GRIN2A: variants seen among roughly 807,000 people sequenced by gnomAD.
The protein encoded by GRIN2A is glutamate ionotropic receptor NMDA type subunit 2A, also known as glutamate receptor ionotropic, NMDA 2A.
GRIN2A carries 22 observed loss-of-function variants against 113.4 expected under a neutral mutation model. That is an observed-to-expected ratio of 0.19 (90% CI 0.14 to 0.28). The LOEUF is 0.28. GRIN2A is among the 10% of genes least tolerant of loss of function. GRIN2A has a pLI of 1.00. For synonymous variants in GRIN2A, 827 were observed against 738.4 expected (o/e 1.12, Z -1.94); for missense variants, 1,502 against 1,887.0 (o/e 0.80, Z 3.78).
chr16:9,901,381 T>A (rs574148068), intron 3 of GRIN2A, among the ~76,000 whole-genome samples: 3 of 152,202 alleles, frequency 2.0e-5, no homozygotes, highest in African/African-American at 7.2e-5. Flanking sequence ...GATATGCCAA[T>A]GGGACTCTAA....
Position 9,762,471 on chromosome 16 carries a change from C to T in GRIN2A, c.*678G>A, listed in dbSNP as rs886052548. The T allele has an allele frequency of 2.3e-5, 5 of 221,988 alleles. No individual in the cohort carries two copies. In the East Asian group the frequency reaches 3.3e-4, roughly 15 times the overall value. 13.8% of individuals were successfully genotyped at this position (221,988 alleles called of 1,614,324 possible). A position where few individuals can be genotyped will look rare whatever the true frequency, so the allele number is the denominator to read the frequency against. On this transcript the variant is annotated 3_prime_UTR_variant, in exon 13 of 13. Coordinates refer to ENST00000330684, the MANE Select transcript of GRIN2A (RefSeq NM_001134407.3). The stretch of plus-strand genomic sequence containing the variant: ...TCTCCCCACCTGAGGGTCCCTCGGG[C>T]CTTTGGCTCCAGATGTGTCTTGGAA...
chr16:10,039,808 G>GGGAGAGAGAGAGAGAGAGAGA lies in GRIN2A; in HGVS notation c.415-101258_415-101257insTCTCTCTCTCTCTCTCTCTCC, dbSNP rs1555469298. On this transcript the variant is annotated intron_variant, in intron 2 of 12. Coordinates refer to ENST00000330684, the MANE Select transcript of GRIN2A (RefSeq NM_001134407.3). The stretch of plus-strand genomic sequence containing the variant: ...AGGGGGAGGGGGAGGGGGAGGGGGG[G>GGGAGAGAGAGAGAGAGAGAGA]GAGAAAGAGAGAGAGAGAGAGAGAG... 6.0e-4 allele frequency among the ~76,000 whole-genome samples: 38 copies of GGGAGAGAGAGAGAGAGAGAGA among 63,818 alleles called. 1 individual carries two copies. The highest frequency in any genetic ancestry group is 2.6e-3 in the African/African-American group (33 of 12,794). The allele number at this position is 63,818 out of a possible 152,430, so 41.9% of individuals were successfully genotyped here. A position where few individuals can be genotyped will look rare whatever the true frequency, so the allele number is the denominator to read the frequency against.
intron 2 of GRIN2A, among the ~76,000 whole-genome samples, chr16:9,995,269 A>G (rs1208035185): frequency 6.6e-6 from 1 of 152,212 alleles, no homozygotes; most frequent in Non-Finnish European, 1.5e-5. Flanking sequence ...AAGCCCATCT[A>G]AGACACAAAG....
At chr16:10,021,508 C>G (rs2046721295) in intron 2 of GRIN2A, among the ~76,000 whole-genome samples, 2 of 152,116 alleles carry the variant, frequency 1.3e-5, no homozygotes, top group Non-Finnish European at 2.9e-5. Flanking sequence ...TACATTCCCC[C>G]AGTTACCAAT....
At chr16:9,854,250 G>T (rs376982689) in intron 4 of GRIN2A, among the ~76,000 whole-genome samples, 3 of 151,916 alleles carry the variant, frequency 2.0e-5, no homozygotes, top group African/African-American at 7.3e-5. Flanking sequence ...AAGTATCAAG[G>T]ACCTGTATTC....
intron 2 of GRIN2A, among the ~76,000 whole-genome samples, chr16:10,152,361 C>T (rs1322347208): frequency 6.6e-6 from 1 of 152,164 alleles, no homozygotes; most frequent in Non-Finnish European, 1.5e-5. Flanking sequence ...CTGTTTTCTC[C>T]GGCTGGAGAA....
At chr16:9,799,313 G>A (rs1172791456) in intron 10 of GRIN2A, among the ~76,000 whole-genome samples, 2 of 152,164 alleles carry the variant, frequency 1.3e-5, no homozygotes, top group African/African-American at 4.8e-5. Flanking sequence ...TGCACACAGG[G>A]AGAACGCCAT....
chr16:9,928,552 A>G (rs904328666), intron 3 of GRIN2A, among the ~76,000 whole-genome samples: 1 of 151,966 alleles, frequency 6.6e-6, no homozygotes, highest in African/African-American at 2.4e-5. Flanking sequence ...TCACTCCCTC[A>G]TCTCTCCAGA....
At chr16:10,148,319 A>T (rs2049488952) in intron 2 of GRIN2A, among the ~76,000 whole-genome samples, 1 of 152,194 alleles carries the variant, frequency 6.6e-6, no homozygotes, top group Non-Finnish European at 1.5e-5. Context: ...AACATTTTCT[A>T]CTGGCCATTT....
At chr16:9,869,132 T>C (rs759519290) in intron 4 of GRIN2A, among the ~76,000 whole-genome samples, 12 of 152,016 alleles carry the variant, frequency 7.9e-5, no homozygotes, top group Admixed American at 1.3e-4. Flanking sequence ...GATGCACAAA[T>C]ACCTATGAAA....
At chr16:10,142,398 G>A (rs2049345133) in intron 2 of GRIN2A, among the ~76,000 whole-genome samples, 1 of 152,178 alleles carries the variant, frequency 6.6e-6, no homozygotes. Flanking sequence ...CCAGGCTCAA[G>A]TTAAACCAAC....
Position 10,160,692 on chromosome 16 carries a change from G to A in GRIN2A, c.414+19306C>T, listed in dbSNP as rs551044766. Among the ~76,000 whole-genome samples the A allele has an allele frequency of 5.9e-5, 9 of 152,250 alleles. 1 individual carries two copies. In the South Asian group the frequency reaches 1.2e-3, roughly 21 times the overall value. ...CCGGTTGCACCGCCCCAAATTGACC[G>A]TAAAAGTTAACAGATTTGTTTAAGA... is the stretch of plus-strand genomic sequence containing the variant. On this transcript the variant is annotated intron_variant, in intron 2 of 12. Transcript: ENST00000330684.
chr16:9,916,065 A>T (rs1034326979), intron 3 of GRIN2A, among the ~76,000 whole-genome samples: 1 of 152,226 alleles, frequency 6.6e-6, no homozygotes, highest in South Asian at 2.1e-4. Context: ...AGTTGGAGGC[A>T]TAAGAGTTAG....
intron 2 of GRIN2A, among the ~76,000 whole-genome samples, chr16:9,989,852 C>T (rs1443720065): frequency 6.6e-6 from 1 of 152,042 alleles, no homozygotes; most frequent in Non-Finnish European, 1.5e-5. Context: ...TCACTCCAGT[C>T]AGAATGGCTA....
At chr16:10,132,128 T>G (rs1383658627) in intron 2 of GRIN2A, among the ~76,000 whole-genome samples, 3 of 151,950 alleles carry the variant, frequency 2.0e-5, no homozygotes, top group African/African-American at 7.3e-5. Context: ...AGTCAGGAAT[T>G]CAAGGCCAGC....
chr16:10,052,916 C>T (rs544665431), intron 2 of GRIN2A, among the ~76,000 whole-genome samples: 1 of 152,178 alleles, frequency 6.6e-6, no homozygotes, highest in African/African-American at 2.4e-5. Context: ...GGCACAGTGG[C>T]ACACTCCTGT....
intron 2 of GRIN2A, among the ~76,000 whole-genome samples, chr16:10,146,263 G>A (rs969595241): frequency 3.9e-5 from 6 of 152,112 alleles, no homozygotes; most frequent in East Asian, 3.9e-4. Context: ...GATTACAGGC[G>A]TGTGCTACCA....
At chr16:9,889,829 C>A (rs1031406949) in intron 4 of GRIN2A, among the ~76,000 whole-genome samples, 22 of 152,116 alleles carry the variant, frequency 1.4e-4, no homozygotes, top group African/African-American at 5.3e-4. Context: ...TCCATTATTT[C>A]AATTCTTCTA....
At chr16:10,039,262 T>C (rs546302536) in intron 2 of GRIN2A, among the ~76,000 whole-genome samples, 1 of 152,224 alleles carries the variant, frequency 6.6e-6, no homozygotes, top group Admixed American at 6.5e-5. Context: ...GCATCTAGCG[T>C]GTTTTCTCAG....
Sources: gnomAD v4.1 joint callset for allele counts (sites outside exome capture counted in the v4.1 genomes callset) on GRCh38, gnomAD v4.1.1 for gene constraint, MANE v1.5 for transcripts, NCBI Gene and HGNC (gene_info 2026-07-23, HGNC 2026-07-21) for gene names.